The following MBTPS1 variants were observed in gnomAD, a reference collection of about 807,000 sequenced individuals.
MBTPS1 encodes membrane-bound transcription factor site-1 protease.
Under a neutral mutation model 127.8 loss-of-function variants are expected in MBTPS1, and 94 were observed. The ratio of observed to expected loss-of-function variants is 0.74; its 90% CI spans 0.62 to 0.87. The LOEUF (loss-of-function observed/expected upper bound fraction) is 0.87. MBTPS1 is among the 40% of genes least tolerant of loss of function. MBTPS1 has a pLI of 0.00. For missense variants in MBTPS1, 1,636 were observed against 1,353.2 expected (o/e 1.21, Z -3.28); for synonymous variants, 632 against 509.4 (o/e 1.24, Z -3.24).
At chr16:84,115,240 C>G (rs1567511090) in intron 1 of MBTPS1, among the ~76,000 whole-genome samples, 1 of 152,196 alleles carries the variant, frequency 6.6e-6, no homozygotes, top group African/African-American at 2.4e-5. Flanking sequence ...CTTCCTAGTT[C>G]TTGTTAACCT....
intron 12 of MBTPS1, among the ~76,000 whole-genome samples, chr16:84,072,745 G>C (rs1490070394): frequency 6.6e-6 from 1 of 152,144 alleles, no homozygotes; most frequent in Non-Finnish European, 1.5e-5. Flanking sequence ...AGCCGAGATC[G>C]TGCCACTGCA....
At chr16:84,097,020 A>G (rs1218707002) in intron 3 of MBTPS1, among the ~76,000 whole-genome samples, 9 of 152,240 alleles carry the variant, frequency 5.9e-5, no homozygotes, top group African/African-American at 2.2e-4. Flanking sequence ...AAGTCACCTG[A>G]GTAACTATGG....
chr16:84,115,442 C>T (rs1233707926), intron 1 of MBTPS1, among the ~76,000 whole-genome samples: 1 of 152,152 alleles, frequency 6.6e-6, no homozygotes, highest in African/African-American at 2.4e-5. Context: ...TGCTGTCATC[C>T]GCATCACACA....
rs2086009119 is a variant in MBTPS1, at chr16:84,085,573, C to CCG, written c.1135-440_1135-439insCG. ...CTGTCCCCCTCAGCCCCGCACCCGC[C>CCG]CCCCCCCCAAAAAAAAAGAGAAAAA... is the stretch of plus-strand genomic sequence containing the variant. On this transcript the variant is annotated intron_variant, in intron 9 of 22. Transcript: ENST00000343411. Among the ~76,000 whole-genome samples the CCG allele has an allele frequency of 3.3e-5, 3 of 91,368 alleles. No homozygotes were observed. In the Admixed American group the frequency reaches 3.5e-4, roughly 11 times the overall value. The allele number at this position is 91,368 out of a possible 152,430, so 59.9% of individuals were successfully genotyped here.
chr16:84,114,607 G>C (rs989169711), intron 1 of MBTPS1, among the ~76,000 whole-genome samples: 11 of 151,956 alleles, frequency 7.2e-5, no homozygotes, highest in African/African-American at 2.4e-4. Flanking sequence ...GACGCGGGCG[G>C]ATCATGAGGT....
chr16:84,067,672 G>A lies in MBTPS1; in HGVS notation c.2223C>T (p.Asn741=). 2 of 1,611,418 alleles carry A rather than the reference G, an allele frequency of 1.2e-6. No homozygotes were observed. The highest frequency in any genetic ancestry group is 8.5e-7 in the Non-Finnish European group (1 of 1,177,722). ...CCAATGCGTATCAACAGTACCTTGT[G>A]TTTTCATCATAAAACTTCACTTTTC... ...VMRKVKFYDE[N]TRQWWMPDTG... is the part of the protein sequence containing the mutation. Residue 741 remains asparagine, a synonymous_variant, in exon 16 of 23, where the codon AAC becomes AAT. Coordinates refer to ENST00000343411, the MANE Select transcript of MBTPS1 (RefSeq NM_003791.4).
chr16:84,079,252 C>G (rs1368194370), intron 11 of MBTPS1, among the ~76,000 whole-genome samples: 1 of 152,210 alleles, frequency 6.6e-6, no homozygotes, highest in Non-Finnish European at 1.5e-5. Context: ...CCTGCAGAAC[C>G]AGGAGCCAAC....
chr16:84,066,653 A>C, intron 16 of MBTPS1, 40 bp from the exon 17 acceptor site: 1 of 1,606,620 alleles, frequency 6.2e-7, no homozygotes, highest in Non-Finnish European at 8.5e-7. Context: ...ACAGGGAATG[A>C]AGACACTCCA....
chr16:84,055,935 G>GA, intron 22 of MBTPS1, 70 bp downstream of exon 22: 2 of 1,543,354 alleles, frequency 1.3e-6, no homozygotes, highest in Non-Finnish European at 8.8e-7. Flanking sequence ...GCCTCCTGGG[G>GA]AGGGAGGGAG....
intron 12 of MBTPS1, among the ~76,000 whole-genome samples, chr16:84,074,330 A>C (rs1323801717): frequency 6.6e-6 from 1 of 151,020 alleles, no homozygotes; most frequent in Non-Finnish European, 1.5e-5. Flanking sequence ...AACCTCCTAG[A>C]CTCAAGTGAT....
intron 1 of MBTPS1, among the ~76,000 whole-genome samples, chr16:84,113,975 T>C (rs79750163): frequency 0.02 from 2,888 of 143,714 alleles, 30 homozygotes; most frequent in Non-Finnish European, 0.03. Flanking sequence ...TTTTTTTTTT[T>C]CTTTTTTTGA....
In MBTPS1 at chr16:84,053,793, T is replaced by C. The variant is rs965830717; in HGVS notation, c.*656A>G. 1.3e-5 allele frequency: 2 copies of C among 152,192 alleles called. No homozygotes were observed. The highest frequency in any genetic ancestry group is 2.4e-5 in the African/African-American group (1 of 41,440). The allele number at this position is 152,192 out of a possible 1,614,324, so 9.4% of individuals were successfully genotyped here. The stretch of plus-strand genomic sequence containing the variant: ...GCTTCAGACGGGTAATACATATTTA[T>C]TGAAAATTTTCTTCACCGACAATGG... On this transcript the variant is annotated 3_prime_UTR_variant, in exon 23 of 23. Transcript: ENST00000343411.
rs777097125 is a variant in MBTPS1 at position 84,081,767 on chromosome 16, G to A, written c.1428C>T (p.Asn476=). The change falls in exon 11 of 23, where the codon AAC becomes AAT. Residue 476 remains asparagine (N), a synonymous_variant. Transcript: ENST00000343411. ...LDLLRAYQIL[N]SYKPQASLSP... ...CTGACCTTGCCTGTGGCTTGTAGCT[G>A]TTGAGGATCTGATAGGCTCTGAGCA... The A allele has an allele frequency of 1.4e-6, 2 of 1,441,276 alleles. No individual in the cohort carries two copies. Among genetic ancestry groups the A allele is most frequent in the Non-Finnish European group, 1.8e-6 (2 of 1,089,070 alleles). The allele number at this position is 1,441,276 out of a possible 1,614,324, so 89.3% of individuals were successfully genotyped here.
chr16:84,065,642 G>A (rs1358531060), intron 18 of MBTPS1, 48 bp downstream of exon 18: 1 of 1,207,756 alleles, frequency 8.3e-7, no homozygotes, highest in Admixed American at 1.7e-5. Flanking sequence ...GGGGGAAAAG[G>A]GAGCGAGAGA....
intron 11 of MBTPS1, among the ~76,000 whole-genome samples, chr16:84,080,672 G>A (rs1427503343): frequency 6.6e-6 from 1 of 152,234 alleles, no homozygotes; most frequent in Non-Finnish European, 1.5e-5. Flanking sequence ...GGGGGACACA[G>A]GACTCCTCCA....
rs1597293845 is a variant in MBTPS1, at chr16:84,054,302, G to C, written c.*147C>G. The C allele has an allele frequency of 5.2e-6, 3 of 575,882 alleles. No individual in the cohort carries two copies. Among genetic ancestry groups the C allele is most frequent in the Admixed American group, 3.8e-5 (1 of 26,462 alleles). 35.7% of individuals were successfully genotyped at this position (575,882 alleles called of 1,614,324 possible). On this transcript the variant is annotated 3_prime_UTR_variant, in exon 23 of 23. Transcript: ENST00000343411. ...TACCAGGAGCCTCTGCCCATCACAG[G>C]AGGGCAGGCCCATGTAGAACAGACT...
intron 13 of MBTPS1, 77 bp from the exon 14 acceptor site, chr16:84,070,115 A>G (rs918372477): frequency 1.6e-6 from 2 of 1,219,578 alleles, no homozygotes; most frequent in African/African-American, 3.0e-5. Context: ...CATCATTTCT[A>G]TTTATCAACT....
chr16:84,097,874 G>GTGTT (rs1340152703), intron 3 of MBTPS1, among the ~76,000 whole-genome samples: 15 of 149,578 alleles, frequency 1.0e-4, no homozygotes, highest in Non-Finnish European at 1.5e-4. Context: ...GTGTGTGTTT[G>GTGTT]TGTGTGTGTT....
rs16962805 is a variant in MBTPS1 at position 84,093,174 on chromosome 16, C to T, written c.846+14G>A. ...ATGAATTCCTCAAGTTTCAGGAGTC[C>T]TCAAAACACCTACCTGATTATTGGT... On this transcript the variant is annotated intron_variant, in intron 6 of 22. Coordinates refer to ENST00000343411, the MANE Select transcript of MBTPS1 (RefSeq NM_003791.4). 8.1e-4 allele frequency: 1,268 copies of T among 1,566,092 alleles called. 18 individuals carry two copies. In the African/African-American group the frequency reaches 0.016, roughly 20 times the overall value.
Sources: allele counts gnomAD v4.1 joint callset (sites outside exome capture counted in the v4.1 genomes callset), GRCh38; gene constraint gnomAD v4.1.1; transcripts MANE v1.5; gene names NCBI Gene and HGNC (gene_info 2026-07-23, HGNC 2026-07-21).